BTBD9: variants seen among roughly 807,000 people sequenced by gnomAD.
BTBD9 encodes BTB domain containing 9.
BTBD9 carries 49 observed loss-of-function variants against 64.3 expected under a neutral mutation model. The observed-to-expected ratio is 0.76, with a 90% CI of 0.61 to 0.97. The LOEUF (loss-of-function observed/expected upper bound fraction) is 0.97. BTBD9 is among the 50% of genes least tolerant of loss of function. The pLI, the probability that BTBD9 is intolerant of heterozygous loss-of-function variation, is 0.00. For synonymous variants in BTBD9, 260 were observed against 274.7 expected (o/e 0.95, Z 0.53); for missense variants, 598 against 762.1 (o/e 0.78, Z 2.53).
chr6:38,592,511 C>T (rs1197233861), intron 4 of BTBD9, 65 bp downstream of exon 4: 8 of 1,560,586 alleles, frequency 5.1e-6, no homozygotes, highest in East Asian at 2.3e-5. Flanking sequence ...AGTAGCTTTG[C>T]GGTTTTAATG....
chr6:38,307,062 G>C (rs938630440), intron 7 of BTBD9, among the ~76,000 whole-genome samples: 1 of 152,184 alleles, frequency 6.6e-6, no homozygotes, highest in African/African-American at 2.4e-5. Flanking sequence ...GTCCTACCTA[G>C]AGGTCTTCCC....
chr6:38,558,130 G>A (rs1775107576), intron 6 of BTBD9, among the ~76,000 whole-genome samples: 1 of 151,996 alleles, frequency 6.6e-6, no homozygotes, highest in African/African-American at 2.4e-5. Context: ...CAGGTTTGGT[G>A]GTATGTGCCT....
In BTBD9 at chr6:38,520,636, A is replaced by T. The variant is rs1332300078; in HGVS notation, c.1154+56964T>A. ...AGTTTTAAAAAATTAATTTACTGCCATTAAATATTTAAAAGGCCAGGCATG... is the reference window on the plus strand; with the variant it reads ...AGTTTTAAAAAATTAATTTACTGCCTTTAAATATTTAAAAGGCCAGGCATG... On this transcript the variant is annotated intron_variant, in intron 6 of 10. Coordinates refer to ENST00000481247, the MANE Select transcript of BTBD9 (RefSeq NM_001099272.2). Among the ~76,000 whole-genome samples, 9 of 152,136 alleles carry T rather than the reference A, an allele frequency of 5.9e-5. 1 individual carries two copies. In the South Asian group the frequency reaches 1.9e-3, roughly 32 times the overall value.
intron 6 of BTBD9, among the ~76,000 whole-genome samples, chr6:38,404,665 G>A (rs1767088300): frequency 6.6e-6 from 1 of 152,154 alleles, no homozygotes; most frequent in Non-Finnish European, 1.5e-5. Flanking sequence ...ATTCTAGGGA[G>A]GGCAAAGTTC....
chr6:38,415,867 A>G (rs1236871423), intron 6 of BTBD9, among the ~76,000 whole-genome samples: 2 of 151,906 alleles, frequency 1.3e-5, no homozygotes, highest in Admixed American at 1.3e-4. Context: ...TTAAAAAAAA[A>G]AAAAATTCTG....
chr6:38,488,145 C>T (rs561854426), intron 6 of BTBD9, among the ~76,000 whole-genome samples: 4 of 151,924 alleles, frequency 2.6e-5, no homozygotes, highest in Admixed American at 2.0e-4. Context: ...TTTGTAGAGA[C>T]AGTGTCTTGC....
intron 9 of BTBD9, among the ~76,000 whole-genome samples, chr6:38,216,364 G>A (rs2127503115): frequency 6.6e-6 from 1 of 152,262 alleles, no homozygotes; most frequent in Non-Finnish European, 1.5e-5. Flanking sequence ...TGGACCAGCA[G>A]ACTGGTACAG....
At chr6:38,374,307 G>GTA (rs1326025092) in intron 6 of BTBD9, among the ~76,000 whole-genome samples, 1,614 of 57,536 alleles carry the variant, frequency 0.028, 135 homozygotes, top group Non-Finnish European at 0.036. Context: ...GTATATATAT[G>GTA]TATATATATA....
intron 10 of BTBD9, among the ~76,000 whole-genome samples, chr6:38,175,642 C>T (rs12196879): frequency 0.6 from 91,847 of 151,952 alleles, 29,502 homozygotes; most frequent in Non-Finnish European, 0.73. Flanking sequence ...GTGGCATCTG[C>T]GTGGGTTGTC....
intron 6 of BTBD9, among the ~76,000 whole-genome samples, chr6:38,407,887 C>A (rs1293351777): frequency 1.3e-5 from 2 of 152,272 alleles, no homozygotes; most frequent in East Asian, 1.9e-4. Context: ...AGAATCCCTG[C>A]ATTCAAGGTC....
chr6:38,458,029 G>A (rs1769898268), intron 6 of BTBD9, among the ~76,000 whole-genome samples: 1 of 152,176 alleles, frequency 6.6e-6, no homozygotes, highest in African/African-American at 2.4e-5. Context: ...TAAGGAGACT[G>A]TAGTCCCAGA....
chr6:38,595,137 A>G (rs1306355935), intron 2 of BTBD9, among the ~76,000 whole-genome samples: 1 of 152,244 alleles, frequency 6.6e-6, no homozygotes, highest in Non-Finnish European at 1.5e-5. Context: ...TATGTACTGC[A>G]TTAAAAAAGT....
At chr6:38,534,307 A>G (rs1178651985) in intron 6 of BTBD9, among the ~76,000 whole-genome samples, 7 of 152,022 alleles carry the variant, frequency 4.6e-5, no homozygotes, top group Admixed American at 4.6e-4. Flanking sequence ...AAACCTACCA[A>G]GATTGAACCA....
At chr6:38,246,263 G>A (rs72849852) in intron 9 of BTBD9, among the ~76,000 whole-genome samples, 17,414 of 152,210 alleles carry the variant, frequency 0.11, 1,082 homozygotes, top group Non-Finnish European at 0.14. Flanking sequence ...AGGTATGACT[G>A]GCTGACTCCT....
At chr6:38,201,019 A>C (rs6458046) in intron 9 of BTBD9, among the ~76,000 whole-genome samples, 123,657 of 151,516 alleles carry the variant, frequency 0.82, 50,566 homozygotes, top group East Asian at 0.97. Context: ...GACCCTGTCT[A>C]TAAAAAAAAT....
chr6:38,190,784 T>G (rs1044493285), intron 10 of BTBD9, among the ~76,000 whole-genome samples: 1 of 152,156 alleles, frequency 6.6e-6, no homozygotes, highest in South Asian at 2.1e-4. Context: ...GAAAAAAAAG[T>G]CCAAGATTCT....
At chr6:38,455,757 G>A (rs555535509) in intron 6 of BTBD9, among the ~76,000 whole-genome samples, 17 of 152,126 alleles carry the variant, frequency 1.1e-4, no homozygotes, top group Middle Eastern at 3.4e-3. Context: ...TTCCCAGGCT[G>A]GAGTGCAATG....
chr6:38,597,889 A>T, intron 2 of BTBD9, 21 bp downstream of exon 2: 1 of 1,603,632 alleles, frequency 6.2e-7, no homozygotes, highest in Non-Finnish European at 8.5e-7. Context: ...TAAATTTTCA[A>T]AAAAAGTATT....
intron 7 of BTBD9, among the ~76,000 whole-genome samples, chr6:38,332,089 G>A (rs977979349): frequency 2.0e-5 from 3 of 151,996 alleles, no homozygotes; most frequent in Non-Finnish European, 4.4e-5. Context: ...TTAAATAACT[G>A]CTGTTTATAT....
Sources: allele counts gnomAD v4.1 joint callset (sites outside exome capture counted in the v4.1 genomes callset), GRCh38; gene constraint gnomAD v4.1.1; transcripts MANE v1.5; gene names NCBI Gene and HGNC (gene_info 2026-07-23, HGNC 2026-07-21).